Variants in RUVBL2 observed in about 807,000 individuals in gnomAD.
RUVBL2 encodes the protein ruvB-like 2.
RUVBL2 carries 9 observed loss-of-function variants against 57.9 expected under a neutral mutation model. That is an observed-to-expected ratio of 0.16 (90% CI 0.09 to 0.27). The LOEUF is 0.27. RUVBL2 is among the 10% of genes least tolerant of loss of function. The pLI, the probability that RUVBL2 is intolerant of heterozygous loss-of-function variation, is 1.00. For synonymous variants in RUVBL2, 278 were observed against 264.6 expected, an observed-to-expected ratio of 1.05 and a Z score of -0.49; for missense variants, 456 against 669.6, an observed-to-expected ratio of 0.68 and a Z score of 3.52.
chr19:49,010,660 A>C, intron 9 of RUVBL2, 49 bp downstream of exon 9: 1 of 1,607,482 alleles, frequency 6.2e-7, no homozygotes, highest in Non-Finnish European at 8.5e-7. Flanking sequence ...CAGGCCTAGC[A>C]GCCTCCCTCG....
At position 49,014,342 on chromosome 19, in the gene RUVBL2, C is replaced by G. The variant is rs887939640; in HGVS notation, c.1002-142C>G. 12 of 963,072 alleles carry G rather than the reference C, an allele frequency of 1.2e-5. No homozygotes were observed. In the African/African-American group the frequency reaches 1.8e-4, roughly 14 times the overall value. 59.7% of individuals were successfully genotyped at this position (963,072 alleles called of 1,614,324 possible). On this transcript the variant is annotated intron_variant, in intron 11 of 14. Transcript: ENST00000595090. Reference sequence around the variant, plus strand: ...GCTGCGTCATCAGGGGTGATGTCATCATGTGACAGGAGACGCGAGCTAAAG... The same window carrying G: ...GCTGCGTCATCAGGGGTGATGTCATGATGTGACAGGAGACGCGAGCTAAAG...
chr19:48,994,215 T>G, intron 1 of RUVBL2: 1 of 512,382 alleles, frequency 2.0e-6, no homozygotes, highest in Non-Finnish European at 3.5e-6. Context: ...CAACGGCCGG[T>G]TCCGCAGTCC....
chr19:49,015,820 G>T lies in RUVBL2; in HGVS notation c.1370G>T (p.Gly457Val), dbSNP rs1180699025. The change falls in exon 15 of 15, where the codon GGC (glycine) becomes GTC (valine). Residue 457 changes from glycine (G) to valine (V), a missense_variant. By Grantham distance (109) the Gly-to-Val change is moderately radical. This residue lies in a region of RUVBL2 where 67 missense variants were observed against 71.5 expected (regional missense o/e 0.94). Transcript: ENST00000595090. ...QDAFLFNELKGETMDTS is the reference protein window; with the variant it reads ...QDAFLFNELKVETMDTS The stretch of plus-strand genomic sequence containing the variant: ...GTGGCCTTCCTTCTCCCCACAGAAG[G>T]CGAGACCATGGACACCTCCTGAGTT... The T allele has an allele frequency of 2.5e-6, 4 of 1,614,048 alleles. No homozygotes were observed. Among genetic ancestry groups the T allele is most frequent in the East Asian group, 2.2e-5 (1 of 44,894 alleles).
chr19:49,003,032 CT>C (rs990985895), intron 2 of RUVBL2, among the ~76,000 whole-genome samples: 3 of 152,210 alleles, frequency 2.0e-5, no homozygotes, highest in African/African-American at 7.2e-5. Context: ...GCCTCAGTGA[CT>C]TTTGTTTAAC....
At chr19:49,015,309 A>G in intron 13 of RUVBL2, 159 bp downstream of exon 13, 4 of 978,220 alleles carry the variant, frequency 4.1e-6, no homozygotes, top group Admixed American at 2.1e-5. Context: ...AGCCTGGCCT[A>G]TAGTAGGTAT....
upstream of RUVBL2, chr19:48,993,852 G>A: frequency 6.2e-7 from 1 of 1,611,116 alleles, no homozygotes; most frequent in South Asian, 1.1e-5. Context: ...AGAGGAGCCA[G>A]AACATCTCGC....
In RUVBL2 at chr19:49,015,136, T is replaced by G; in HGVS notation, c.1237T>G (p.Cys413Gly). 6.2e-7 allele frequency: 1 copy of G among 1,608,900 alleles called. No homozygotes were observed. The highest frequency in any genetic ancestry group is 8.5e-7 in the Non-Finnish European group (1 of 1,178,072). Residue 413 changes from cysteine (C) to glycine (G), a missense_variant, in exon 13 of 15, where the codon TGC (cysteine) becomes GGC (glycine). Physicochemically the swap from Cys to Gly is radical, Grantham distance 159. Coordinates refer to ENST00000595090, the MANE Select transcript of RUVBL2 (RefSeq NM_006666.3). ...GCTCATCACAGCTGCCAGCTTGGTGTGCCGGAAACGCAAGGTCAGCCGGCC... is the reference window on the plus strand; with the variant it reads ...GCTCATCACAGCTGCCAGCTTGGTGGGCCGGAAACGCAAGGTCAGCCGGCC... ...IQLITAASLV[C>G]RKRKGTEVQV... is the part of the protein sequence containing the mutation.
chr19:48,993,560 T>G, upstream of RUVBL2: 3 of 449,678 alleles, frequency 6.7e-6, no homozygotes, highest in Non-Finnish European at 1.2e-5. Flanking sequence ...GGCCTCAAAG[T>G]GGGGAGGAGG....
chr19:49,009,630 C>T (rs1029564190), intron 6 of RUVBL2, 146 bp from the exon 7 acceptor site: 2 of 703,520 alleles, frequency 2.8e-6, no homozygotes, highest in African/African-American at 1.8e-5. Flanking sequence ...CGTATGTCTT[C>T]CCTGGAGAGC....
In RUVBL2 at chr19:49,011,235, T is replaced by G. The variant is rs371475823; in HGVS notation, c.926T>G (p.Phe309Cys). 2 of 1,613,716 alleles carry G rather than the reference T, an allele frequency of 1.2e-6. No homozygotes were observed. The highest frequency in any genetic ancestry group is 1.7e-6 in the Non-Finnish European group (2 of 1,180,010). The change falls in exon 11 of 15, where the codon TTC becomes TGC. Residue 309 changes from phenylalanine to cysteine, a missense_variant. Transcript: ENST00000595090. The surrounding 1 kb of genome is among the most constrained non-coding windows in gnomAD (Gnocchi z 4.4). ...GTCCACATGCTGGACATCGAGAGCT[T>G]CTCCTTCCTCAACCGGGCCCTGGAG... ...DEVHMLDIESFSFLNRALESD... is the reference protein window; with the variant it reads ...DEVHMLDIESCSFLNRALESD...
At chr19:49,004,135 A>G in intron 3 of RUVBL2, 142 bp from the exon 4 acceptor site, 1 of 1,026,866 alleles carries the variant, frequency 9.7e-7, no homozygotes, top group South Asian at 1.6e-5. Context: ...AAAAAAAAAA[A>G]AAAAAGCAGG....
chr19:48,994,307 A>G (rs968856035), intron 1 of RUVBL2: 9 of 261,440 alleles, frequency 3.4e-5, no homozygotes, highest in African/African-American at 1.5e-4. Context: ...AGTGGTGCCA[A>G]TGGCACTTGA....
Position 49,010,481 on chromosome 19 carries a change from C to CCCCCCCCCCCCCCCCCCCCCCT in RUVBL2, c.664-5_664-4insCCCCCCCCCCCCCCCCCCCTCC. The CCCCCCCCCCCCCCCCCCCCCCT allele has an allele frequency of 6.2e-7, 1 of 1,602,844 alleles. No individual in the cohort carries two copies. Among genetic ancestry groups the CCCCCCCCCCCCCCCCCCCCCCT allele is most frequent in the South Asian group, 1.1e-5 (1 of 90,746 alleles). ...TCCGCCGTTCTTCCCCCACCCCCGC[C>CCCCCCCCCCCCCCCCCCCCCCT]CCATAGACCAAGTTCGTGCAGTGCC... On this transcript the variant is annotated splice_polypyrimidine_tract_variant and splice_region_variant and intron_variant, in intron 8 of 14. Coordinates refer to ENST00000595090, the MANE Select transcript of RUVBL2 (RefSeq NM_006666.3).
intron 11 of RUVBL2, 128 bp from the exon 12 acceptor site, chr19:49,014,356 C>T (rs1299446718): frequency 6.4e-6 from 7 of 1,099,198 alleles, no homozygotes; most frequent in South Asian, 1.5e-5. Context: ...TGACAGGAGA[C>T]GCGAGCTAAA....
upstream of RUVBL2, chr19:48,993,828 G>A: frequency 2.6e-6 from 4 of 1,550,360 alleles, no homozygotes; most frequent in Middle Eastern, 1.7e-4. Flanking sequence ...GATCTTTGAA[G>A]AACCAGCTAG....
chr19:48,993,628 G>T (rs2038989983), upstream of RUVBL2: 1 of 572,624 alleles, frequency 1.7e-6, no homozygotes, highest in African/African-American at 1.9e-5. Context: ...TCAAAGAACA[G>T]CTAAGAATTT....
Position 49,011,669 on chromosome 19 carries a change from T to TTATGTAAATCG in RUVBL2, c.1001+360_1001+361insATGTAAATCGT, listed in dbSNP as rs2039431911. On this transcript the variant is annotated intron_variant, in intron 11 of 14. Transcript: ENST00000595090. This position sits in a 1 kb window ranked among gnomAD's most constrained non-coding sequence, Gnocchi z 4.4. ...TTAGACATAACATAAACTACGATTG[T>TTATGTAAATCG]TCAGTCACTTCGACCCAGCAACTCC... Among the ~76,000 whole-genome samples, 1 of 152,222 alleles carries TTATGTAAATCG rather than the reference T, an allele frequency of 6.6e-6. No individual in the cohort carries two copies. The highest frequency in any genetic ancestry group is 1.9e-4 in the East Asian group (1 of 5,202).
At chr19:49,013,120 T>A (rs2122652468) in intron 11 of RUVBL2, among the ~76,000 whole-genome samples, 1 of 152,264 alleles carries the variant, frequency 6.6e-6, no homozygotes, top group African/African-American at 2.4e-5. Context: ...CCCGCCACCA[T>A]GCCCAGCTAA....
intron 1 of RUVBL2, among the ~76,000 whole-genome samples, chr19:48,997,145 C>T (rs1044712761): frequency 2.0e-5 from 3 of 152,270 alleles, no homozygotes; most frequent in Middle Eastern, 3.4e-3. Flanking sequence ...TCTTACCTGT[C>T]ACCGCTAATC....
Sources: gnomAD v4.1 joint callset for allele counts (sites outside exome capture counted in the v4.1 genomes callset) on GRCh38, gnomAD v4.1.1 for gene constraint, gnomAD v4.1.1 regional missense constraint, Gnocchi (gnomAD v3.1) non-coding constraint, MANE v1.5 for transcripts, NCBI Gene and HGNC (gene_info 2026-07-23, HGNC 2026-07-21) for gene names.